The following ABCA12 variants were observed in gnomAD, a reference collection of about 807,000 sequenced individuals.
ABCA12 encodes glucosylceramide transporter ABCA12.
ABCA12 carries 156 observed loss-of-function variants against 293.5 expected under a neutral mutation model. The observed-to-expected ratio is 0.53, with a 90% CI of 0.47 to 0.61. The LOEUF is 0.61. ABCA12 is among the 20% of genes least tolerant of loss of function. The pLI is 0.00. For missense variants in ABCA12, 2,797 were observed against 3,090.2 expected, an observed-to-expected ratio of 0.91 and a Z score of 2.25; for synonymous variants, 1,063 against 1,108.0, an observed-to-expected ratio of 0.96 and a Z score of 0.81.
At chr2:214,958,984 T>C (rs1291818628) in intron 40 of ABCA12, 40 bp downstream of exon 40, 5 of 1,583,122 alleles carry the variant, frequency 3.2e-6, no homozygotes, top group Non-Finnish European at 4.3e-6. Flanking sequence ...GGCTCAGCTA[T>C]GTCAAGGAGA....
At chr2:214,967,723 G>T (rs7600521) in intron 38 of ABCA12, among the ~76,000 whole-genome samples, 76,007 of 151,904 alleles carry the variant, frequency 0.5, 19,253 homozygotes, top group South Asian at 0.58. Context: ...ATAGACTCAG[G>T]AATATTTATC....
intron 1 of ABCA12, among the ~76,000 whole-genome samples, chr2:215,135,427 G>C (rs922224807): frequency 1.3e-5 from 2 of 151,994 alleles, no homozygotes; most frequent in African/African-American, 2.4e-5. Context: ...ACCTTGCTTT[G>C]TGATGGAATT....
intron 2 of ABCA12, among the ~76,000 whole-genome samples, chr2:215,103,664 T>C (rs1158840197): frequency 1.3e-5 from 2 of 152,200 alleles, no homozygotes; most frequent in Non-Finnish European, 2.9e-5. Flanking sequence ...CAAGGATAGA[T>C]GCTATACTCT....
In ABCA12 at chr2:214,990,782, T is replaced by C. The variant is rs1430737478; in HGVS notation, c.3544A>G (p.Ile1182Val). 6.2e-6 allele frequency: 10 copies of C among 1,614,026 alleles called. No individual in the cohort carries two copies. The highest frequency in any genetic ancestry group is 8.5e-6 in the Non-Finnish European group (10 of 1,180,006). The change falls in exon 24 of 53, where the codon ATC becomes GTC. Residue 1182 changes from isoleucine to valine, a missense_variant. Transcript: ENST00000272895. The part of the protein sequence containing the change: ...TNIAALIGSL[I>V]YIIAFFPFIV... ...AATGGAAAGAAGGCAATGATGTAGA[T>C]GAGGCTTCCGATCAGAGCTGCAATG...
At position 214,952,531 on chromosome 2, in the gene ABCA12, G is replaced by A. The variant is rs970798190; in HGVS notation, c.6647+1323C>T. ...CCACCGCACCTTATAACACCCTATC[G>A]TGGATTATTTTCTGCCTAGTCCTAT... On this transcript the variant is annotated intron_variant, in intron 44 of 52. Coordinates refer to ENST00000272895, the MANE Select transcript of ABCA12 (RefSeq NM_173076.3). 5.9e-5 allele frequency among the ~76,000 whole-genome samples: 9 copies of A among 152,114 alleles called. No homozygotes were observed. In the South Asian group the frequency reaches 8.3e-4, roughly 14 times the overall value.
intron 6 of ABCA12, among the ~76,000 whole-genome samples, chr2:215,047,095 G>A (rs2204266): frequency 1 from 152,241 of 152,286 alleles, 76,098 homozygotes; most frequent in Non-Finnish European, 1. Flanking sequence ...GGGGAGGGAA[G>A]ACATCCAGAT....
At chr2:214,957,993 T>C (rs1699003700) in intron 41 of ABCA12, among the ~76,000 whole-genome samples, 1 of 152,074 alleles carries the variant, frequency 6.6e-6, no homozygotes, top group African/African-American at 2.4e-5. Context: ...TTCTCCACGC[T>C]CCCCTCCTAA....
At chr2:215,111,022 T>C (rs971815638) in intron 2 of ABCA12, among the ~76,000 whole-genome samples, 3 of 152,244 alleles carry the variant, frequency 2.0e-5, no homozygotes, top group Non-Finnish European at 2.9e-5. Flanking sequence ...ACTTTTTCAT[T>C]CTGGATCCAA....
intron 23 of ABCA12, among the ~76,000 whole-genome samples, chr2:214,994,391 C>T (rs569787465): frequency 6.6e-6 from 1 of 152,266 alleles, no homozygotes; most frequent in Admixed American, 6.5e-5. Context: ...TGCCTAGTAG[C>T]CAAAGTCTGC....
intron 2 of ABCA12, among the ~76,000 whole-genome samples, chr2:215,091,029 G>A (rs573860121): frequency 3.3e-5 from 5 of 152,056 alleles, no homozygotes; most frequent in Admixed American, 6.6e-5. Context: ...TAATTTTGTC[G>A]AAAAATGGGC....
chr2:215,030,603 CAAA>C (rs56919467), intron 9 of ABCA12, among the ~76,000 whole-genome samples: 31 of 127,296 alleles, frequency 2.4e-4, no homozygotes, highest in East Asian at 2.3e-4. Flanking sequence ...GACTCCATCT[CAAA>C]AAAAAAAAAA....
At chr2:214,986,402 G>T in intron 28 of ABCA12, 140 bp downstream of exon 28, 1 of 897,316 alleles carries the variant, frequency 1.1e-6, no homozygotes, top group Non-Finnish European at 1.8e-6. Flanking sequence ...CCATTCTATA[G>T]CATACAAGTT....
At chr2:214,952,020 G>A (rs1698789554) in intron 44 of ABCA12, among the ~76,000 whole-genome samples, 1 of 150,912 alleles carries the variant, frequency 6.6e-6, no homozygotes, top group African/African-American at 2.4e-5. Context: ...AACTCATTAA[G>A]TCCCAAACCC....
At chr2:214,993,742 C>T (rs1189675242) in intron 23 of ABCA12, among the ~76,000 whole-genome samples, 1 of 152,168 alleles carries the variant, frequency 6.6e-6, no homozygotes, top group Non-Finnish European at 1.5e-5. Context: ...TAGACCATAT[C>T]AAGGCCACAA....
chr2:215,112,654 C>G (rs1029989182), intron 1 of ABCA12, among the ~76,000 whole-genome samples: 1 of 151,808 alleles, frequency 6.6e-6, no homozygotes, highest in Non-Finnish European at 1.5e-5. Context: ...CCCGCCACCA[C>G]GCCTGGCTAA....
intron 6 of ABCA12, among the ~76,000 whole-genome samples, chr2:215,048,596 G>A (rs113129196): frequency 0.059 from 9,030 of 151,870 alleles, 879 homozygotes; most frequent in African/African-American, 0.2. Context: ...CCAGCTAGTC[G>A]GGAGGCTGAG....
chr2:215,065,090 C>T (rs1701615035), intron 2 of ABCA12, among the ~76,000 whole-genome samples: 1 of 151,642 alleles, frequency 6.6e-6, no homozygotes, highest in Non-Finnish European at 1.5e-5. Context: ...TAAACTTTAA[C>T]ATTTCCTTTA....
intron 50 of ABCA12, among the ~76,000 whole-genome samples, chr2:214,938,562 C>T (rs751985863): frequency 1.3e-5 from 2 of 152,156 alleles, no homozygotes; most frequent in Non-Finnish European, 2.9e-5. Context: ...GATGGTTGAA[C>T]TAATTTACAC....
chr2:215,110,743 T>A (rs1160876693), intron 2 of ABCA12, among the ~76,000 whole-genome samples: 1 of 152,220 alleles, frequency 6.6e-6, no homozygotes, highest in Non-Finnish European at 1.5e-5. Context: ...TTACTCTCTT[T>A]ACAAAATAAT....
Sources: allele counts gnomAD v4.1 joint callset (sites outside exome capture counted in the v4.1 genomes callset), GRCh38; gene constraint gnomAD v4.1.1; transcripts MANE v1.5; gene names NCBI Gene and HGNC (gene_info 2026-07-23, HGNC 2026-07-21).